The following DACH2 variants were observed in gnomAD, a reference collection of about 807,000 sequenced individuals.
DACH2 encodes the protein dachshund homolog 2.
Under a neutral mutation model 35.8 loss-of-function variants are expected in DACH2, and 17 were observed. That is an observed-to-expected ratio of 0.48 (90% CI 0.33 to 0.71). DACH2 has a LOEUF of 0.71. Ranked by LOEUF, DACH2 falls within the 30% of genes least tolerant of loss-of-function variation. The probability of loss-of-function intolerance (pLI) is 0.02; values close to 1 mark genes in which losing one functional copy is unlikely to be tolerated. For synonymous variants in DACH2, 195 were observed against 177.3 expected, an observed-to-expected ratio of 1.10 and a Z score of -0.79; for missense variants, 469 against 472.7, an observed-to-expected ratio of 0.99 and a Z score of 0.07.
chrX:86,750,784 G>A (rs1232715031), intron 7 of DACH2, among the ~76,000 whole-genome samples: 1 of 111,379 alleles, frequency 9.0e-6, no homozygotes, highest in African/African-American at 3.3e-5. Context: ...TCTTTTTTAA[G>A]GCTGAATAAT....
intron 3 of DACH2, among the ~76,000 whole-genome samples, chrX:86,545,630 T>G (rs995429213): frequency 8.9e-6 from 1 of 112,031 alleles, no homozygotes; most frequent in Non-Finnish European, 1.9e-5. Flanking sequence ...GATTTTAAAG[T>G]GGTTTAGAGT....
At chrX:86,290,292 C>A (rs12385396) in intron 1 of DACH2, among the ~76,000 whole-genome samples, 158 of 50,044 alleles carry the variant, frequency 3.2e-3, no homozygotes, top group East Asian at 4.4e-3. Context: ...TTGTAAATTT[C>A]TTTGAGTTCA....
intron 7 of DACH2, among the ~76,000 whole-genome samples, chrX:86,793,493 G>T (rs2042207027): frequency 9.0e-6 from 1 of 111,448 alleles, no homozygotes; most frequent in African/African-American, 3.3e-5. Context: ...GGTAGGGAGA[G>T]AATACACACA....
chrX:86,548,667 CA>C (rs776727403), intron 3 of DACH2, among the ~76,000 whole-genome samples: 1 of 111,799 alleles, frequency 8.9e-6, no homozygotes, highest in African/African-American at 3.2e-5. Flanking sequence ...TAGAGAATAC[CA>C]AAAGACAGCA....
At chrX:86,426,772 C>T (rs2036900420) in intron 2 of DACH2, among the ~76,000 whole-genome samples, 1 of 111,337 alleles carries the variant, frequency 9.0e-6, no homozygotes, top group South Asian at 3.7e-4. Context: ...TAGAATCTCC[C>T]AAGATAGTCT....
intron 7 of DACH2, among the ~76,000 whole-genome samples, chrX:86,793,142 G>T (rs927976712): frequency 9.1e-6 from 1 of 110,112 alleles, no homozygotes; most frequent in Non-Finnish European, 1.9e-5. Context: ...TTATCTACCC[G>T]TTGGCCATTT....
chrX:86,646,364 G>T (rs1318701810), intron 3 of DACH2, among the ~76,000 whole-genome samples: 1 of 110,496 alleles, frequency 9.1e-6, no homozygotes, highest in South Asian at 3.8e-4. Flanking sequence ...TCGGATGATT[G>T]TTACACTAAA....
intron 7 of DACH2, among the ~76,000 whole-genome samples, chrX:86,778,729 G>A (rs1293262482): frequency 1.8e-5 from 2 of 110,725 alleles, no homozygotes; most frequent in African/African-American, 6.6e-5. Context: ...TCCTGCCTCA[G>A]GCTCCCAAGT....
At chrX:86,262,686 T>C (rs972814122) in intron 1 of DACH2, among the ~76,000 whole-genome samples, 5 of 111,958 alleles carry the variant, frequency 4.5e-5, no homozygotes, top group African/African-American at 1.6e-4. Flanking sequence ...TGACATTTGT[T>C]CTTCAGGAAT....
intron 2 of DACH2, among the ~76,000 whole-genome samples, chrX:86,438,307 T>C (rs1362363498): frequency 7.0e-5 from 7 of 99,948 alleles, no homozygotes; most frequent in African/African-American, 2.6e-4. Flanking sequence ...CACTTCAACC[T>C]CCGCCTCCAG....
chrX:86,736,100 G>C (rs2041592530), intron 6 of DACH2, among the ~76,000 whole-genome samples: 1 of 110,894 alleles, frequency 9.0e-6, no homozygotes, highest in South Asian at 3.7e-4. Context: ...AGAAGAAATT[G>C]TTCATATAAT....
At chrX:86,604,990 A>C in intron 3 of DACH2, among the ~76,000 whole-genome samples, 1 of 111,588 alleles carries the variant, frequency 9.0e-6, no homozygotes, top group Middle Eastern at 4.7e-3. Context: ...GGTGATAAAA[A>C]CCTAATTCAT....
intron 1 of DACH2, among the ~76,000 whole-genome samples, chrX:86,237,970 C>T (rs1213101029): frequency 8.9e-6 from 1 of 112,057 alleles, no homozygotes; most frequent in African/African-American, 3.2e-5. Flanking sequence ...CTCTTCTCTC[C>T]TTCTTATCTC....
chrX:86,740,590 A>G (rs1288517678), intron 7 of DACH2, among the ~76,000 whole-genome samples: 1 of 94,619 alleles, frequency 1.1e-5, no homozygotes, highest in Non-Finnish European at 2.0e-5. Flanking sequence ...ACATTTATAT[A>G]TATTTTGTTT....
rs1280100004 is a variant in DACH2, at chrX:86,401,729, G to GA, written c.527+24879dup. On this transcript the variant is annotated intron_variant, in intron 2 of 11. Coordinates refer to ENST00000373125, the MANE Select transcript of DACH2 (RefSeq NM_053281.3). ...AGTGAGACAGTGACAAAAAAAAAAA[G>GA]AAAAAAAAAAAACTTCAGATTAATG... Among the ~76,000 whole-genome samples, 601 of 89,857 alleles carry GA rather than the reference G, an allele frequency of 6.7e-3. 8 individuals are homozygous for GA. The South Asian group carries it at 0.11, about 16-fold the overall frequency. 78.0% of individuals were successfully genotyped at this position (89,857 alleles called of 115,157 possible).
chrX:86,422,775 AT>A (rs1029754977), intron 2 of DACH2, among the ~76,000 whole-genome samples: 1 of 110,370 alleles, frequency 9.1e-6, no homozygotes. Flanking sequence ...CATTTATTCT[AT>A]TTTTTGCATC....
chrX:86,231,243 CT>C (rs1350325687), intron 1 of DACH2, among the ~76,000 whole-genome samples: 1 of 112,386 alleles, frequency 8.9e-6, no homozygotes, highest in African/African-American at 3.2e-5. Context: ...TATTTTTGTG[CT>C]GGTTTACCAC....
chrX:86,736,866 A>C (rs936525830), intron 6 of DACH2, among the ~76,000 whole-genome samples: 1 of 111,629 alleles, frequency 9.0e-6, no homozygotes, highest in African/African-American at 3.2e-5. Flanking sequence ...AGAGATAAAC[A>C]TAGTTCATTG....
intron 5 of DACH2, among the ~76,000 whole-genome samples, chrX:86,697,274 C>A (rs763651314): frequency 1.8e-5 from 2 of 111,325 alleles, no homozygotes; most frequent in Non-Finnish European, 3.8e-5. Context: ...TTTTCAGACC[C>A]TATTTATGAC....
Sources: allele counts gnomAD v4.1 joint callset (sites outside exome capture counted in the v4.1 genomes callset), GRCh38; gene constraint gnomAD v4.1.1; transcripts MANE v1.5; gene names NCBI Gene and HGNC (gene_info 2026-07-23, HGNC 2026-07-21).